Variants in UNC5D observed in about 807,000 individuals in gnomAD.
UNC5D encodes unc-5 netrin receptor D.
A neutral mutation model predicts 105.4 loss-of-function variants in UNC5D; 39 were observed. The observed-to-expected ratio is 0.37, with a 90% CI of 0.29 to 0.48. The LOEUF is 0.48. Among genes scored for constraint, UNC5D ranks in the 20% least tolerant of loss-of-function variants. The probability of loss-of-function intolerance (pLI) is 0.98; values close to 1 mark genes in which losing one functional copy is unlikely to be tolerated. For missense variants in UNC5D, 991 were observed against 1,202.4 expected (o/e 0.82, Z 2.60); for synonymous variants, 452 against 450.4 (o/e 1.00, Z -0.04).
chr8:35,632,729 C>T (rs577932366), intron 4 of UNC5D, among the ~76,000 whole-genome samples: 12 of 152,198 alleles, frequency 7.9e-5, no homozygotes, highest in Non-Finnish European at 1.0e-4. Context: ...CCCACACTTG[C>T]GGACATTGTG....
At chr8:35,435,962 A>G (rs1016410505) in intron 1 of UNC5D, among the ~76,000 whole-genome samples, 1 of 152,068 alleles carries the variant, frequency 6.6e-6, no homozygotes, top group Non-Finnish European at 1.5e-5. Flanking sequence ...AAACTCTTAG[A>G]AAGTTTTAGC....
At chr8:35,723,772 T>C (rs997003079) in intron 9 of UNC5D, among the ~76,000 whole-genome samples, 5 of 152,088 alleles carry the variant, frequency 3.3e-5, no homozygotes, top group Non-Finnish European at 5.9e-5. Flanking sequence ...AATATCAATA[T>C]CTTAGACCAT....
At chr8:35,284,701 C>G (rs1283413247) in intron 1 of UNC5D, among the ~76,000 whole-genome samples, 4 of 152,044 alleles carry the variant, frequency 2.6e-5, no homozygotes, top group African/African-American at 9.7e-5. Flanking sequence ...ACTACAGGCA[C>G]CCACCACCAC....
chr8:35,545,680 T>C (rs1455568940), intron 1 of UNC5D, among the ~76,000 whole-genome samples: 1 of 152,114 alleles, frequency 6.6e-6, no homozygotes, highest in Non-Finnish European at 1.5e-5. Context: ...TATTTTCACC[T>C]ACCTCATTTT....
intron 1 of UNC5D, among the ~76,000 whole-genome samples, chr8:35,476,599 CA>C (rs1417290241): frequency 6.6e-6 from 1 of 152,140 alleles, no homozygotes; most frequent in Non-Finnish European, 1.5e-5. Flanking sequence ...CTGTTCTCAC[CA>C]CTGCCAATGA....
chr8:35,377,559 G>T (rs1268724585), intron 1 of UNC5D, among the ~76,000 whole-genome samples: 1 of 152,160 alleles, frequency 6.6e-6, no homozygotes, highest in Non-Finnish European at 1.5e-5. Context: ...TGCTGAGCAG[G>T]CTGGGAATGT....
At chr8:35,272,117 G>A (rs1298470652) in intron 1 of UNC5D, among the ~76,000 whole-genome samples, 2 of 151,794 alleles carry the variant, frequency 1.3e-5, no homozygotes, top group Non-Finnish European at 2.9e-5. Flanking sequence ...TGAAACTGTG[G>A]GATTTTCATG....
rs2131829426 is a variant in UNC5D at position 35,794,185 on chromosome 8, T to G, written c.*3622T>G. On this transcript the variant is annotated 3_prime_UTR_variant, in exon 17 of 17. Coordinates refer to ENST00000404895, the MANE Select transcript of UNC5D (RefSeq NM_080872.4). The stretch of plus-strand genomic sequence containing the variant: ...ATGCTTTTGTTTTTCCTTTTAGCCA[T>G]TTTCTCTTCAATTTCTTAGTCCCTC... The G allele has an allele frequency of 6.6e-6, 1 of 152,334 alleles. No homozygotes were observed. The highest frequency in any genetic ancestry group is 2.4e-5 in the African/African-American group (1 of 41,586). The allele number at this position is 152,334 out of a possible 1,614,324, so 9.4% of individuals were successfully genotyped here. A position where few individuals can be genotyped will look rare whatever the true frequency, so the allele number is the denominator to read the frequency against.
intron 4 of UNC5D, among the ~76,000 whole-genome samples, chr8:35,677,132 A>G (rs951496888): frequency 1.3e-5 from 2 of 152,116 alleles, no homozygotes; most frequent in African/African-American, 4.8e-5. Flanking sequence ...CATTCCTATA[A>G]TTTCTGATGC....
intron 4 of UNC5D, among the ~76,000 whole-genome samples, chr8:35,599,320 T>C (rs930872586): frequency 6.6e-6 from 1 of 152,116 alleles, no homozygotes; most frequent in Non-Finnish European, 1.5e-5. Flanking sequence ...CTATAGTTAA[T>C]AACAATGTAT....
chr8:35,780,564 G>A (rs992201090), intron 16 of UNC5D, among the ~76,000 whole-genome samples: 3 of 152,162 alleles, frequency 2.0e-5, no homozygotes, highest in Non-Finnish European at 4.4e-5. Context: ...TTCCTTTAAA[G>A]TGAAGGAAGA....
intron 1 of UNC5D, among the ~76,000 whole-genome samples, chr8:35,484,204 G>T (rs997968787): frequency 6.6e-6 from 1 of 152,036 alleles, no homozygotes; most frequent in African/African-American, 2.4e-5. Flanking sequence ...AAATTAAGAA[G>T]GGAAAAGAGA....
At chr8:35,636,774 C>T (rs1822401893) in intron 4 of UNC5D, among the ~76,000 whole-genome samples, 1 of 152,186 alleles carries the variant, frequency 6.6e-6, no homozygotes, top group Non-Finnish European at 1.5e-5. Context: ...CCCATCCAAA[C>T]ATTTTGGAGA....
intron 3 of UNC5D, among the ~76,000 whole-genome samples, chr8:35,578,886 A>G (rs1371909692): frequency 6.6e-6 from 1 of 152,228 alleles, no homozygotes; most frequent in African/African-American, 2.4e-5. Flanking sequence ...TTCCCCAAAT[A>G]GTATTCCTTC....
intron 4 of UNC5D, among the ~76,000 whole-genome samples, chr8:35,646,643 C>T (rs532125800): frequency 1.3e-4 from 20 of 152,034 alleles, no homozygotes; most frequent in East Asian, 3.9e-4. Context: ...GCTCCAGACA[C>T]GGGTATATAT....
chr8:35,410,796 G>A (rs537039565), intron 1 of UNC5D, among the ~76,000 whole-genome samples: 3 of 151,994 alleles, frequency 2.0e-5, no homozygotes, highest in African/African-American at 4.8e-5. Flanking sequence ...ATGTGGAAGC[G>A]TGGAGCCCCC....
chr8:35,478,554 A>T (rs1236526971), intron 1 of UNC5D, among the ~76,000 whole-genome samples: 1 of 152,156 alleles, frequency 6.6e-6, no homozygotes, highest in Non-Finnish European at 1.5e-5. Context: ...ACTTGGTGCT[A>T]AAGTTATTTA....
chr8:35,429,517 T>C (rs1016762166), intron 1 of UNC5D, among the ~76,000 whole-genome samples: 2 of 152,208 alleles, frequency 1.3e-5, no homozygotes, highest in Non-Finnish European at 2.9e-5. Flanking sequence ...AAACTTGTTT[T>C]GTATTTTATT....
At chr8:35,725,143 T>A (rs1828791640) in intron 9 of UNC5D, among the ~76,000 whole-genome samples, 1 of 152,128 alleles carries the variant, frequency 6.6e-6, no homozygotes, top group Non-Finnish European at 1.5e-5. Flanking sequence ...GGCCAAGAAT[T>A]GCAACATTTT....
Sources: allele counts gnomAD v4.1 joint callset (sites outside exome capture counted in the v4.1 genomes callset), GRCh38; gene constraint gnomAD v4.1.1; transcripts MANE v1.5; gene names NCBI Gene and HGNC (gene_info 2026-07-23, HGNC 2026-07-21).